The following FAT3 variants were observed in gnomAD, a reference collection of about 807,000 sequenced individuals.
The protein encoded by FAT3 is protocadherin Fat 3.
In FAT3, 95 loss-of-function variants were observed where a neutral mutation model predicts 310.2. The observed-to-expected ratio is 0.31, with a 90% confidence interval of 0.26 to 0.36. The LOEUF (loss-of-function observed/expected upper bound fraction) is 0.36, where lower values mean the gene tolerates loss of function less well. Ranked by LOEUF, FAT3 falls within the 10% of genes least tolerant of loss-of-function variation. The pLI, the probability that FAT3 is intolerant of heterozygous loss-of-function variation, is 1.00. For missense variants in FAT3, 5,408 were observed against 5,715.6 expected (o/e 0.95, Z 1.74); for synonymous variants, 2,314 against 2,192.9 (o/e 1.06, Z -1.54).
intron 2 of FAT3, among the ~76,000 whole-genome samples, chr11:92,511,651 G>A (rs1953294478): frequency 6.6e-6 from 1 of 152,142 alleles, no homozygotes; most frequent in Admixed American, 6.5e-5. Flanking sequence ...CCCCACCCTG[G>A]ATGGCTGGCT....
intron 3 of FAT3, among the ~76,000 whole-genome samples, chr11:92,541,563 A>G (rs1954448673): frequency 6.6e-6 from 1 of 152,172 alleles, no homozygotes; most frequent in African/African-American, 2.4e-5. Context: ...AAGTATTCAT[A>G]AAAGAAAATT....
intron 3 of FAT3, among the ~76,000 whole-genome samples, chr11:92,565,113 G>A (rs1396440837): frequency 2.9e-5 from 4 of 135,968 alleles, no homozygotes; most frequent in East Asian, 2.3e-4. Context: ...TTTTTTGAAA[G>A]GATCAACAAA....
chr11:92,618,953 A>C (rs540660454), intron 3 of FAT3, among the ~76,000 whole-genome samples: 1 of 152,242 alleles, frequency 6.6e-6, no homozygotes, highest in South Asian at 2.1e-4. Context: ...GTATTTTACC[A>C]CTAAGTATAA....
chr11:92,366,477 G>A, intron 2 of FAT3: 4 of 429,122 alleles, frequency 9.3e-6, no homozygotes, highest in South Asian at 7.1e-5. Flanking sequence ...CCTGGGGACA[G>A]TAGCTTGCCC....
chr11:92,695,157 C>G (rs555450000), intron 3 of FAT3, among the ~76,000 whole-genome samples: 1 of 152,136 alleles, frequency 6.6e-6, no homozygotes, highest in Admixed American at 6.5e-5. Context: ...GTATTTCATT[C>G]TTGGGCCTGT....
chr11:92,340,963 C>T (rs1037493758), intron 1 of FAT3, among the ~76,000 whole-genome samples: 1 of 152,148 alleles, frequency 6.6e-6, no homozygotes, highest in African/African-American at 2.4e-5. Flanking sequence ...TTAGGATGAG[C>T]TCCATCACCT....
intron 1 of FAT3, among the ~76,000 whole-genome samples, chr11:92,273,374 A>G (rs1158826041): frequency 6.6e-6 from 1 of 152,016 alleles, no homozygotes; most frequent in Non-Finnish European, 1.5e-5. Flanking sequence ...GCCCCTTTCT[A>G]GATTCTGTAA....
intron 1 of FAT3, among the ~76,000 whole-genome samples, chr11:92,257,408 T>A (rs1306522814): frequency 3.3e-5 from 5 of 152,082 alleles, no homozygotes; most frequent in Non-Finnish European, 7.4e-5. Flanking sequence ...CCCAGGGAAG[T>A]AGACTGGAAA....
At chr11:92,797,021 G>C (rs1056558926) in intron 9 of FAT3, among the ~76,000 whole-genome samples, 29 of 152,172 alleles carry the variant, frequency 1.9e-4, no homozygotes, top group African/African-American at 6.8e-4. Flanking sequence ...CAGTTTCTTG[G>C]TACACTAGAA....
chr11:92,304,044 CTG>C (rs1947062490), intron 1 of FAT3, among the ~76,000 whole-genome samples: 1 of 152,090 alleles, frequency 6.6e-6, no homozygotes, highest in Non-Finnish European at 1.5e-5. Flanking sequence ...TATCTGGAAA[CTG>C]TGTAATGCAG....
At chr11:92,860,954 A>G (rs1167981924) in intron 21 of FAT3, among the ~76,000 whole-genome samples, 1 of 152,238 alleles carries the variant, frequency 6.6e-6, no homozygotes, top group East Asian at 1.9e-4. Flanking sequence ...TCCAGAAAGG[A>G]AAGCAATATT....
intron 3 of FAT3, among the ~76,000 whole-genome samples, chr11:92,549,479 C>T (rs1016827347): frequency 6.6e-6 from 1 of 152,128 alleles, no homozygotes; most frequent in African/African-American, 2.4e-5. Context: ...GGTTACATGG[C>T]CCCATTGAGC....
chr11:92,815,044 A>C (rs995322043), intron 13 of FAT3, among the ~76,000 whole-genome samples: 1 of 152,196 alleles, frequency 6.6e-6, no homozygotes, highest in Non-Finnish European at 1.5e-5. Context: ...TAGGAAAAGT[A>C]GACCGGGCCT....
intron 6 of FAT3, among the ~76,000 whole-genome samples, chr11:92,771,901 C>T (rs2136110859): frequency 6.6e-6 from 1 of 152,096 alleles, no homozygotes; most frequent in Admixed American, 6.5e-5. Flanking sequence ...TTATACAGGG[C>T]CCTGGGGAAA....
At chr11:92,619,117 T>C (rs1332682899) in intron 3 of FAT3, among the ~76,000 whole-genome samples, 2 of 152,204 alleles carry the variant, frequency 1.3e-5, no homozygotes, top group Non-Finnish European at 2.9e-5. Flanking sequence ...TGTCTTTTAT[T>C]CTATTGAAAT....
intron 2 of FAT3, among the ~76,000 whole-genome samples, chr11:92,404,627 C>G (rs1950097003): frequency 6.6e-6 from 1 of 151,782 alleles, no homozygotes; most frequent in Non-Finnish European, 1.5e-5. Flanking sequence ...TCTTACTTCC[C>G]ATGATGGCTA....
chr11:92,449,808 A>C (rs1014962860), intron 2 of FAT3, among the ~76,000 whole-genome samples: 2 of 152,220 alleles, frequency 1.3e-5, no homozygotes, highest in African/African-American at 4.8e-5. Flanking sequence ...TCCAGAATTC[A>C]AAACGATATT....
chr11:92,354,279 C>G lies in FAT3; in HGVS notation c.2167C>G (p.Pro723Ala), dbSNP rs761744347. Residue 723 changes from proline (P) to alanine (A), a missense_variant, in exon 2 of 28, where the codon CCA (proline) becomes GCA (alanine). Pro to Ala is a conservative substitution (Grantham distance 27, BLOSUM62 -1). Transcript: ENST00000525166. ...CTTTTATTCAATTAATAGACAGGGA[C>G]CATATTTTGACAAGTCTTTTCCTTC... The part of the protein sequence containing the change: ...LDFYSINRQG[P>A]YFDKSFPSDV... 6.2e-7 allele frequency: 1 copy of G among 1,613,636 alleles called. No homozygotes were observed. The highest frequency in any genetic ancestry group is 1.1e-5 in the South Asian group (1 of 91,078).
At chr11:92,296,261 G>T (rs1019167381) in intron 1 of FAT3, among the ~76,000 whole-genome samples, 1 of 152,108 alleles carries the variant, frequency 6.6e-6, no homozygotes, top group African/African-American at 2.4e-5. Flanking sequence ...AGGCTTTGGA[G>T]TTGGAAAATA....
Sources: gnomAD v4.1 joint callset for allele counts (sites outside exome capture counted in the v4.1 genomes callset) on GRCh38, gnomAD v4.1.1 for gene constraint, MANE v1.5 for transcripts, NCBI Gene and HGNC (gene_info 2026-07-23, HGNC 2026-07-21) for gene names.